The following TMEM170A variants were observed in gnomAD, a reference collection of about 807,000 sequenced individuals.
TMEM170A encodes the protein transmembrane protein 170.
A neutral mutation model predicts 12.8 loss-of-function variants in TMEM170A; 18 were observed. The observed-to-expected ratio is 1.41, with a 90% CI of 0.97 to 2.09. TMEM170A has a LOEUF of 2.09. TMEM170A is among the 30% of genes most tolerant of loss of function. TMEM170A has a pLI of 0.00. For missense variants in TMEM170A, 220 were observed against 179.9 expected (o/e 1.22, Z -1.28); for synonymous variants, 107 against 76.2 (o/e 1.40, Z -2.11).
chr16:75,457,261 G>A (rs1050586652), intron 1 of TMEM170A, among the ~76,000 whole-genome samples: 4 of 152,224 alleles, frequency 2.6e-5, no homozygotes, highest in Non-Finnish European at 5.9e-5. Context: ...CTTGAACTGG[G>A]AGGCAAAGCC....
In TMEM170A at chr16:75,451,811, T is replaced by G. The variant is rs145490016; in HGVS notation, c.162A>C (p.Ala54=). 1 of 1,613,644 alleles carries G rather than the reference T, an allele frequency of 6.2e-7. No individual in the cohort carries two copies. The highest frequency in any genetic ancestry group is 8.5e-7 in the Non-Finnish European group (1 of 1,179,786). Residue 54 remains alanine, a synonymous_variant, in exon 2 of 3, where the codon GCA becomes GCC. Transcript: ENST00000561878. ...PEMWYGVFLW[A]LVSSLFFHVP... Reference sequence around the variant, plus strand: ...CATGAAAGAAGAGAGAAGACACCAGTGCCCACAGGAATACACCATACCACA... The same window carrying G: ...CATGAAAGAAGAGAGAAGACACCAGGGCCCACAGGAATACACCATACCACA...
rs577536443 is a variant in TMEM170A, at chr16:75,464,653, G to C, written c.-53C>G. ...AGGGACGAGCGCCCGAAGTGCGGTAGCGGCCGGCGCCGACTCACCCTCGCC... is the reference window on the plus strand; with the variant it reads ...AGGGACGAGCGCCCGAAGTGCGGTACCGGCCGGCGCCGACTCACCCTCGCC... On this transcript the variant is annotated 5_prime_UTR_variant, in exon 1 of 3. Transcript: ENST00000561878. 80 of 1,538,332 alleles carry C rather than the reference G, an allele frequency of 5.2e-5. No homozygotes were observed. In the African/African-American group the frequency reaches 1.0e-3, roughly 20 times the overall value.
intron 2 of TMEM170A, among the ~76,000 whole-genome samples, chr16:75,450,616 G>T (rs946936965): frequency 6.6e-6 from 1 of 151,938 alleles, no homozygotes; most frequent in Non-Finnish European, 1.5e-5. Flanking sequence ...GTCCTAAGGG[G>T]AAAAAAATAA....
upstream of TMEM170A, chr16:75,464,710 TC>T (rs2079968284): frequency 2.2e-5 from 31 of 1,400,788 alleles, 1 homozygote; most frequent in South Asian, 3.7e-4. Flanking sequence ...GGGGTCCTCT[TC>T]CCCCAATCCC....
At chr16:75,458,324 C>T (rs931247120) in intron 1 of TMEM170A, 10 of 152,186 alleles carry the variant, frequency 6.6e-5, no homozygotes, top group Admixed American at 3.3e-4. Context: ...GTTCGCATCT[C>T]CATCTCCAAA....
intron 1 of TMEM170A, 62 bp downstream of exon 1, chr16:75,464,406 G>A (rs1365648017): frequency 7.2e-7 from 1 of 1,385,590 alleles, no homozygotes; most frequent in Non-Finnish European, 9.3e-7. Context: ...GACTCGGGGC[G>A]CCCACAGCAC....
intron 1 of TMEM170A, among the ~76,000 whole-genome samples, chr16:75,456,357 G>A (rs954045222): frequency 6.6e-6 from 1 of 152,096 alleles, no homozygotes; most frequent in Non-Finnish European, 1.5e-5. Flanking sequence ...GGAGGCTGAG[G>A]CGGGTGGATC....
At chr16:75,452,161 C>T (rs987623418) in intron 1 of TMEM170A, among the ~76,000 whole-genome samples, 13 of 151,738 alleles carry the variant, frequency 8.6e-5, no homozygotes, top group Non-Finnish European at 1.3e-4. Context: ...TTAGTAGAGA[C>T]GGGGTTTCAC....
In TMEM170A at chr16:75,464,475, G is replaced by A. The variant is rs755819761; in HGVS notation, c.126C>T (p.Ser42=). The part of the protein sequence containing the change: ...TLCPNSTSLC[S]FPEMWYGVFL... The stretch of plus-strand genomic sequence containing the variant: ...GCGCGGGGCGGGCCGTACCTGGGAA[G>A]GAGCAGAGGGAAGTAGAGTTGGGGC... The change falls in exon 1 of 3, where the codon TCC becomes TCT. Residue 42 remains serine (S), a synonymous_variant. Transcript: ENST00000561878. 6.6e-7 allele frequency: 1 copy of A among 1,526,136 alleles called. No individual in the cohort carries two copies. Among genetic ancestry groups the A allele is most frequent in the South Asian group, 1.2e-5 (1 of 82,242 alleles). The allele number at this position is 1,526,136 out of a possible 1,614,324, so 94.5% of individuals were successfully genotyped here.
chr16:75,456,408 C>T (rs1234586462), intron 1 of TMEM170A, among the ~76,000 whole-genome samples: 2 of 151,954 alleles, frequency 1.3e-5, no homozygotes, highest in South Asian at 2.1e-4. Context: ...GCCAACACGG[C>T]GAAACCGTCT....
rs1284922359 is a variant in TMEM170A at position 75,446,870 on chromosome 16, T to G, written c.*688A>C. 6.6e-6 allele frequency: 1 copy of G among 152,188 alleles called. No individual in the cohort carries two copies. Among genetic ancestry groups the G allele is most frequent in the Admixed American group, 6.5e-5 (1 of 15,282 alleles). The allele number at this position is 152,188 out of a possible 1,614,324, so 9.4% of individuals were successfully genotyped here. A position where few individuals can be genotyped will look rare whatever the true frequency, so the allele number is the denominator to read the frequency against. ...GTCTAAATTAGCTAGCTTATTTTGA[T>G]AAAACATACAAAATAACAAATTCAC... On this transcript the variant is annotated 3_prime_UTR_variant, in exon 3 of 3. Coordinates refer to ENST00000561878, the MANE Select transcript of TMEM170A (RefSeq NM_145254.3).
chr16:75,464,332 C>T, intron 1 of TMEM170A, 136 bp downstream of exon 1: 5 of 1,404,710 alleles, frequency 3.6e-6, no homozygotes, highest in Non-Finnish European at 4.6e-6. Flanking sequence ...GCGAGCAGCA[C>T]GGCCCCCCTC....
At chr16:75,461,211 G>A (rs1243377842) in intron 1 of TMEM170A, among the ~76,000 whole-genome samples, 4 of 151,888 alleles carry the variant, frequency 2.6e-5, no homozygotes, top group African/African-American at 4.8e-5. Flanking sequence ...GCACCACCAC[G>A]CCCCGCAAAT....
Position 75,447,338 on chromosome 16 carries a change from G to A in TMEM170A, c.*220C>T, listed in dbSNP as rs548063180. Reference sequence around the variant, plus strand: ...AAATCAAATATCTACAAAAAAGAAAGCCAAAAGACTTGTTTTGGTTGAGAA... The same window carrying A: ...AAATCAAATATCTACAAAAAAGAAAACCAAAAGACTTGTTTTGGTTGAGAA... On this transcript the variant is annotated 3_prime_UTR_variant, in exon 3 of 3. Transcript: ENST00000561878. The A allele has an allele frequency of 4.0e-5, 15 of 379,008 alleles. No homozygotes were observed. In the South Asian group the frequency reaches 1.3e-3, roughly 32 times the overall value. 23.5% of individuals were successfully genotyped at this position (379,008 alleles called of 1,614,324 possible).
At chr16:75,452,911 C>G (rs1300595024) in intron 1 of TMEM170A, among the ~76,000 whole-genome samples, 2 of 152,144 alleles carry the variant, frequency 1.3e-5, no homozygotes, top group Admixed American at 1.3e-4. Context: ...AAACCATTTA[C>G]AAGAGTTTTG....
At chr16:75,450,180 CAAA>C (rs34044750) in intron 2 of TMEM170A, among the ~76,000 whole-genome samples, 43 of 116,238 alleles carry the variant, frequency 3.7e-4, no homozygotes, top group African/African-American at 4.3e-4. Flanking sequence ...CACTTTCTCT[CAAA>C]AAAAAAAAAA....
chr16:75,458,897 T>A (rs1464270764), intron 1 of TMEM170A: 1 of 151,916 alleles, frequency 6.6e-6, no homozygotes, highest in African/African-American at 2.4e-5. Context: ...AGACATATCT[T>A]TTTTTTTCTT....
intron 1 of TMEM170A, among the ~76,000 whole-genome samples, chr16:75,460,772 C>T (rs1429058327): frequency 1.3e-5 from 2 of 152,168 alleles, no homozygotes. Context: ...ACAACAGGCA[C>T]ACAATCAACA....
rs114599147 is a variant in TMEM170A at position 75,455,791 on chromosome 16, G to A, written c.134-3952C>T. Among the ~76,000 whole-genome samples the A allele has an allele frequency of 3.5e-3, 531 of 152,228 alleles. 4 individuals carry two copies. Among genetic ancestry groups the A allele is most frequent in the African/African-American group, 0.013 (526 of 41,550 alleles). Reference sequence around the variant, plus strand: ...GCTAGACTTTAAAAAGAAAAACAAGGTAAGAAAAAACAAAGCTTTTGTTTT... The same window carrying A: ...GCTAGACTTTAAAAAGAAAAACAAGATAAGAAAAAACAAAGCTTTTGTTTT... On this transcript the variant is annotated intron_variant, in intron 1 of 2. Coordinates refer to ENST00000561878, the MANE Select transcript of TMEM170A (RefSeq NM_145254.3).
Sources: allele counts gnomAD v4.1 joint callset (sites outside exome capture counted in the v4.1 genomes callset), GRCh38; gene constraint gnomAD v4.1.1; transcripts MANE v1.5; gene names NCBI Gene and HGNC (gene_info 2026-07-23, HGNC 2026-07-21).